GPC5: variants seen among roughly 807,000 people sequenced by gnomAD.
The protein encoded by GPC5 is glypican-5.
Under a neutral mutation model 53.9 loss-of-function variants are expected in GPC5, and 47 were observed. That is an observed-to-expected ratio of 0.87 (90% CI 0.69 to 1.11). The LOEUF (loss-of-function observed/expected upper bound fraction) is 1.11, where lower values mean the gene tolerates loss of function less well. GPC5 is among the 50% of genes most tolerant of loss of function. The pLI is 0.00. For synonymous variants in GPC5, 286 were observed against 263.3 expected, an observed-to-expected ratio of 1.09 and a Z score of -0.84; for missense variants, 748 against 713.1, an observed-to-expected ratio of 1.05 and a Z score of -0.56.
chr13:92,765,879 A>C (rs1167935725), intron 7 of GPC5, among the ~76,000 whole-genome samples: 3 of 151,800 alleles, frequency 2.0e-5, no homozygotes, highest in African/African-American at 7.2e-5. Flanking sequence ...AAAGAAAATA[A>C]ATTTTATTAA....
In GPC5 at chr13:91,693,606, AGCAGAGC is replaced by A. The variant is rs750562220; in HGVS notation, c.746_752del (p.Ser249ThrfsTer3). On this transcript the variant is annotated frameshift_variant, in exon 3 of 8. Transcript: ENST00000377067. LOFTEE classifies it high-confidence loss of function. ...CTATCTGCACTTCTCCAAAGAGTGC[AGCAGAGC>A]CCTCCTGAAGATGCAATACTGCCCG... 1.9e-6 allele frequency: 3 copies of A among 1,614,038 alleles called. No homozygotes were observed. The highest frequency in any genetic ancestry group is 2.5e-6 in the Non-Finnish European group (3 of 1,180,040).
intron 7 of GPC5, among the ~76,000 whole-genome samples, chr13:92,723,386 A>C (rs1267025357): frequency 8.8e-6 from 1 of 113,014 alleles, no homozygotes; most frequent in Admixed American, 9.0e-5. Context: ...AGTCGAATGC[A>C]CTTCATTAAT....
In GPC5 at chr13:92,702,559, AT is replaced by A. The variant is rs780153847; in HGVS notation, c.1562-163721del. On this transcript the variant is annotated intron_variant, in intron 7 of 7. Coordinates refer to ENST00000377067, the MANE Select transcript of GPC5 (RefSeq NM_004466.6). ...AGAAATCCATAAGGAAATCCTCTCG[AT>A]TCTATCTCAAAATGTTTCCAGTATC... is the stretch of plus-strand genomic sequence containing the variant. 8.4e-4 allele frequency among the ~76,000 whole-genome samples: 128 copies of A among 151,980 alleles called. 3 individuals are homozygous for A. Among genetic ancestry groups the A allele is most frequent in the Admixed American group, 1.2e-3 (18 of 15,236 alleles).
At chr13:91,836,301 T>G (rs190142512) in intron 5 of GPC5, among the ~76,000 whole-genome samples, 1 of 152,242 alleles carries the variant, frequency 6.6e-6, no homozygotes, top group Non-Finnish European at 1.5e-5. Flanking sequence ...TTTAAACTTT[T>G]TGGTTTTCAT....
At chr13:91,488,853 T>C (rs901919516) in intron 2 of GPC5, among the ~76,000 whole-genome samples, 11 of 152,150 alleles carry the variant, frequency 7.2e-5, no homozygotes, top group Admixed American at 7.2e-4. Context: ...ATGGGAGAAA[T>C]GTCACTGAAT....
At chr13:92,031,575 C>A (rs2040841546) in intron 6 of GPC5, among the ~76,000 whole-genome samples, 1 of 146,408 alleles carries the variant, frequency 6.8e-6, no homozygotes, top group Non-Finnish European at 1.5e-5. Flanking sequence ...TTTATTATGG[C>A]CATTCTTGCA....
intron 5 of GPC5, among the ~76,000 whole-genome samples, chr13:91,821,487 TA>T (rs2038494880): frequency 6.6e-6 from 1 of 152,190 alleles, no homozygotes; most frequent in Admixed American, 6.5e-5. Flanking sequence ...CAATGTTGAA[TA>T]AAAGTGGAGA....
At chr13:92,385,145 A>G (rs1190690060) in intron 7 of GPC5, among the ~76,000 whole-genome samples, 1 of 151,806 alleles carries the variant, frequency 6.6e-6, no homozygotes, top group Non-Finnish European at 1.5e-5. Flanking sequence ...GTGTTGAAAT[A>G]TTCTGATGGT....
At chr13:92,341,761 T>G (rs1169526593) in intron 7 of GPC5, among the ~76,000 whole-genome samples, 1 of 152,014 alleles carries the variant, frequency 6.6e-6, no homozygotes, top group African/African-American at 2.4e-5. Context: ...ATAGTGAAAC[T>G]TATTAAAATG....
chr13:91,731,695 C>T (rs961836524), intron 4 of GPC5, among the ~76,000 whole-genome samples: 100 of 151,998 alleles, frequency 6.6e-4, no homozygotes, highest in African/African-American at 2.3e-3. Flanking sequence ...CTCCCCACCC[C>T]GACTGGCCCT....
chr13:91,726,863 G>A (rs978558443), intron 3 of GPC5, among the ~76,000 whole-genome samples: 2 of 152,166 alleles, frequency 1.3e-5, no homozygotes, highest in Non-Finnish European at 2.9e-5. Context: ...CTGAAGCAGC[G>A]CTTTCCCTGC....
At chr13:92,748,426 C>A (rs547583922) in intron 7 of GPC5, among the ~76,000 whole-genome samples, 2 of 151,308 alleles carry the variant, frequency 1.3e-5, no homozygotes, top group African/African-American at 2.4e-5. Context: ...CTCTGCCTCC[C>A]AGGTTAAGCA....
intron 7 of GPC5, among the ~76,000 whole-genome samples, chr13:92,390,556 G>C (rs1306219623): frequency 6.6e-6 from 1 of 151,960 alleles, no homozygotes; most frequent in African/African-American, 2.4e-5. Context: ...TTAAACACCT[G>C]GTGCTTTTTA....
At chr13:91,785,999 TTTCTTTCTTTTTTTTGAGACCA>T (rs1162529053) in intron 5 of GPC5, among the ~76,000 whole-genome samples, 2 of 150,674 alleles carry the variant, frequency 1.3e-5, no homozygotes, top group Non-Finnish European at 2.9e-5. Context: ...ATTCAAAGTT[TTTCTTTCTTTTTTTTGAGACCA>T]AGTCTCGCTC....
chr13:91,965,501 TGAG>T (rs760730118), intron 6 of GPC5, among the ~76,000 whole-genome samples: 29 of 152,328 alleles, frequency 1.9e-4, no homozygotes, highest in Non-Finnish European at 3.4e-4. Flanking sequence ...TGTATAGTTA[TGAG>T]GAGTTCAGAG....
chr13:92,252,648 T>C lies in GPC5; in HGVS notation c.1561+107659T>C, dbSNP rs115360323. Among the ~76,000 whole-genome samples the C allele has an allele frequency of 4.8e-3, 737 of 152,172 alleles. 8 individuals are homozygous for C. Among genetic ancestry groups the C allele is most frequent in the African/African-American group, 0.016 (652 of 41,538 alleles). On this transcript the variant is annotated intron_variant, in intron 7 of 7. Coordinates refer to ENST00000377067, the MANE Select transcript of GPC5 (RefSeq NM_004466.6). Reference sequence around the variant, plus strand: ...ATTATAATTCTATAAAAACAGTTACTTGGGATTATATTTTAACTGCTGAAA... The same window carrying C: ...ATTATAATTCTATAAAAACAGTTACCTGGGATTATATTTTAACTGCTGAAA...
chr13:91,663,338 A>C (rs993005911), intron 2 of GPC5, among the ~76,000 whole-genome samples: 1 of 152,218 alleles, frequency 6.6e-6, no homozygotes, highest in Non-Finnish European at 1.5e-5. Flanking sequence ...CTCCGTGTAC[A>C]TACCAATATA....
chr13:91,645,285 C>G (rs1401732188), intron 2 of GPC5, among the ~76,000 whole-genome samples: 1 of 152,088 alleles, frequency 6.6e-6, no homozygotes, highest in African/African-American at 2.4e-5. Flanking sequence ...GACTTTGAAA[C>G]CTGTACTTGA....
chr13:91,455,569 T>G (rs919221719), intron 2 of GPC5, among the ~76,000 whole-genome samples: 13 of 152,158 alleles, frequency 8.5e-5, no homozygotes, highest in African/African-American at 1.2e-4. Context: ...CATGTTGTAT[T>G]TTGTATGTAT....
Sources: gnomAD v4.1 joint callset for allele counts (sites outside exome capture counted in the v4.1 genomes callset) on GRCh38, gnomAD v4.1.1 for gene constraint, MANE v1.5 for transcripts, NCBI Gene and HGNC (gene_info 2026-07-23, HGNC 2026-07-21) for gene names.